Variants in FAM241A observed in about 807,000 individuals in gnomAD.
FAM241A encodes the protein uncharacterized protein FAM241A.
In FAM241A, 7 loss-of-function variants were observed where a neutral mutation model predicts 12.2. The ratio of observed to expected loss-of-function variants is 0.58; its 90% CI spans 0.33 to 1.08. The LOEUF is 1.08. Ranked by LOEUF, FAM241A falls within the 50% of genes least tolerant of loss-of-function variation. FAM241A has a pLI of 0.04. For missense variants in FAM241A, 161 were observed against 169.7 expected (o/e 0.95, Z 0.29); for synonymous variants, 74 against 68.2 (o/e 1.08, Z -0.42).
rs544567336 is a variant in FAM241A at position 112,190,914 on chromosome 4, C to T, written c.*3976C>T. The T allele has an allele frequency of 2.0e-5, 3 of 152,240 alleles. No homozygotes were observed. Among genetic ancestry groups the T allele is most frequent in the Admixed American group, 6.5e-5 (1 of 15,286 alleles). The allele number at this position is 152,240 out of a possible 1,614,324, so 9.4% of individuals were successfully genotyped here. On this transcript the variant is annotated 3_prime_UTR_variant, in exon 2 of 2. Transcript: ENST00000309733. ...ACACAGCAGCTCGGCAATGTCACCA[C>T]TCCCGTGGCTGCAGAGTTACCATTT...
rs540107625 is a variant in FAM241A at position 112,194,652 on chromosome 4, G to C, written c.*7714G>C. 1 of 152,090 alleles carries C rather than the reference G, an allele frequency of 6.6e-6. No homozygotes were observed. The highest frequency in any genetic ancestry group is 1.5e-5 in the Non-Finnish European group (1 of 68,024). The allele number at this position is 152,090 out of a possible 1,614,324, so 9.4% of individuals were successfully genotyped here. On this transcript the variant is annotated 3_prime_UTR_variant, in exon 2 of 2. Transcript: ENST00000309733. ...TTCTGTTTATATGCTGGATTACATT[G>C]ATTGATTTGCGTATATTGAACCAGC... is the stretch of plus-strand genomic sequence containing the variant.
Position 112,192,644 on chromosome 4 carries a change from A to G in FAM241A, c.*5706A>G, listed in dbSNP as rs1246667062. The stretch of plus-strand genomic sequence containing the variant: ...AGTTTACTGAGAATGATGATTTCCA[A>G]TTTCATCCATGTCCCTACAAAGGAC... On this transcript the variant is annotated 3_prime_UTR_variant, in exon 2 of 2. Coordinates refer to ENST00000309733, the MANE Select transcript of FAM241A (RefSeq NM_152400.3). 1.5e-4 allele frequency: 23 copies of G among 151,154 alleles called. 1 individual carries two copies. The highest frequency in any genetic ancestry group is 1.2e-3 in the Admixed American group (18 of 15,178). The allele number at this position is 151,154 out of a possible 1,614,324, so 9.4% of individuals were successfully genotyped here.
chr4:112,150,923 T>TA (rs1368758365), intron 1 of FAM241A, among the ~76,000 whole-genome samples: 1 of 152,240 alleles, frequency 6.6e-6, no homozygotes, highest in African/African-American at 2.4e-5. Flanking sequence ...TGTTAGCTGT[T>TA]AGGCCTAATT....
In FAM241A at chr4:112,192,526, G is replaced by A. The variant is rs1724187749; in HGVS notation, c.*5588G>A. ...CCCACCCCACAACAGTCCCCAGAGT[G>A]TGATGTTCCCCTTCCTGTGTCCATG... On this transcript the variant is annotated 3_prime_UTR_variant, in exon 2 of 2. Transcript: ENST00000309733. The A allele has an allele frequency of 7.6e-6, 1 of 131,206 alleles. No individual in the cohort carries two copies. Among genetic ancestry groups the A allele is most frequent in the Non-Finnish European group, 1.5e-5 (1 of 64,572 alleles). The allele number at this position is 131,206 out of a possible 1,614,324, so 8.1% of individuals were successfully genotyped here.
chr4:112,172,068 CA>C (rs1723734619), intron 1 of FAM241A, among the ~76,000 whole-genome samples: 2 of 152,066 alleles, frequency 1.3e-5, no homozygotes, highest in African/African-American at 2.4e-5. Flanking sequence ...GCTTTAGAGC[CA>C]GATTGCCTGA....
intron 1 of FAM241A, among the ~76,000 whole-genome samples, chr4:112,173,109 G>A (rs1723757524): frequency 6.6e-6 from 1 of 152,116 alleles, no homozygotes; most frequent in Admixed American, 6.5e-5. Context: ...GGCTGGTCTT[G>A]CACTCCTGAA....
chr4:112,178,093 T>C (rs1471645905), intron 1 of FAM241A, among the ~76,000 whole-genome samples: 1 of 152,146 alleles, frequency 6.6e-6, no homozygotes, highest in African/African-American at 2.4e-5. Flanking sequence ...TTAATACCCT[T>C]AGTGGGTTCA....
intron 1 of FAM241A, among the ~76,000 whole-genome samples, chr4:112,182,790 C>G (rs1256880264): frequency 2.0e-5 from 3 of 152,060 alleles, no homozygotes; most frequent in Non-Finnish European, 4.4e-5. Context: ...ATAGAGCTTC[C>G]CCCAACCCCC....
At chr4:112,171,713 G>T (rs1723724463) in intron 1 of FAM241A, among the ~76,000 whole-genome samples, 1 of 152,074 alleles carries the variant, frequency 6.6e-6, no homozygotes, top group African/African-American at 2.4e-5. Flanking sequence ...TAAAAAATTA[G>T]CCAGGCATGG....
rs891651942 is a variant in FAM241A, at chr4:112,145,533, G to A, written c.-48G>A. 10 of 1,223,128 alleles carry A rather than the reference G, an allele frequency of 8.2e-6. No individual in the cohort carries two copies. In the African/African-American group the frequency reaches 1.4e-4, roughly 17 times the overall value. 75.8% of individuals were successfully genotyped at this position (1,223,128 alleles called of 1,614,324 possible). A position where few individuals can be genotyped will look rare whatever the true frequency, so the allele number is the denominator to read the frequency against. On this transcript the variant is annotated 5_prime_UTR_variant, in exon 1 of 2. Coordinates refer to ENST00000309733, the MANE Select transcript of FAM241A (RefSeq NM_152400.3). Reference sequence around the variant, plus strand: ...GCGGCGGCGCTGCCTGGTGCGTCGCGGCGTGGTCCTCCGGCGGCTGTCCGG... The same window carrying A: ...GCGGCGGCGCTGCCTGGTGCGTCGCAGCGTGGTCCTCCGGCGGCTGTCCGG...
At chr4:112,186,512 G>T (rs573597242) in intron 1 of FAM241A, among the ~76,000 whole-genome samples, 181 bp from the exon 2 acceptor site, 6 of 152,238 alleles carry the variant, frequency 3.9e-5, no homozygotes, top group African/African-American at 7.2e-5. Context: ...CTTCACTTAA[G>T]CAGTCATTTT....
intron 1 of FAM241A, among the ~76,000 whole-genome samples, chr4:112,181,278 A>G (rs553742604): frequency 1.3e-5 from 2 of 152,306 alleles, no homozygotes; most frequent in Admixed American, 1.3e-4. Context: ...TTTTCAGATT[A>G]CTGTAGTAAA....
rs555021746 is a variant in FAM241A at position 112,164,193 on chromosome 4, A to G, written c.153+18460A>G. Among the ~76,000 whole-genome samples, 18 of 151,998 alleles carry G rather than the reference A, an allele frequency of 1.2e-4. No homozygotes were observed. The East Asian group carries it at 3.5e-3, about 29-fold the overall frequency. ...ACTAGTTAATCGGTGCAGCACACCA[A>G]CATGGCACATGTATACATGTGTAAC... On this transcript the variant is annotated intron_variant, in intron 1 of 1. Coordinates refer to ENST00000309733, the MANE Select transcript of FAM241A (RefSeq NM_152400.3).
At chr4:112,172,594 A>G (rs985213019) in intron 1 of FAM241A, among the ~76,000 whole-genome samples, 5 of 152,220 alleles carry the variant, frequency 3.3e-5, no homozygotes, top group African/African-American at 4.8e-5. Flanking sequence ...CTAAATGCCA[A>G]GCATTTTGCA....
At chr4:112,182,319 A>G (rs1723956182) in intron 1 of FAM241A, among the ~76,000 whole-genome samples, 1 of 152,204 alleles carries the variant, frequency 6.6e-6, no homozygotes, top group Non-Finnish European at 1.5e-5. Context: ...TGATAGCTGC[A>G]TGAGACAATC....
intron 1 of FAM241A, among the ~76,000 whole-genome samples, chr4:112,183,449 G>A (rs10516586): frequency 0.53 from 80,621 of 151,676 alleles, 22,296 homozygotes; most frequent in African/African-American, 0.69. Context: ...CTAACTCTCT[G>A]TTTTGATTTA....
rs1182243907 is a variant in FAM241A at position 112,194,424 on chromosome 4, G to T, written c.*7486G>T. The T allele has an allele frequency of 4.0e-5, 6 of 150,280 alleles. No homozygotes were observed. Among genetic ancestry groups the T allele is most frequent in the Non-Finnish European group, 1.5e-5 (1 of 66,966 alleles). The allele number at this position is 150,280 out of a possible 1,614,324, so 9.3% of individuals were successfully genotyped here. ...GTGAGAGAGGGCATCCCTGTCTTGT[G>T]CCAGTTTTCAAAGGGAATGCTTCCA... On this transcript the variant is annotated 3_prime_UTR_variant, in exon 2 of 2. Coordinates refer to ENST00000309733, the MANE Select transcript of FAM241A (RefSeq NM_152400.3).
At chr4:112,182,120 G>A (rs1198187174) in intron 1 of FAM241A, among the ~76,000 whole-genome samples, 1 of 152,172 alleles carries the variant, frequency 6.6e-6, no homozygotes, top group Admixed American at 6.5e-5. Flanking sequence ...TGTGGGTCAT[G>A]GGGAAGAGGG....
At chr4:112,183,416 G>A (rs1723981807) in intron 1 of FAM241A, among the ~76,000 whole-genome samples, 1 of 151,992 alleles carries the variant, frequency 6.6e-6, no homozygotes, top group Non-Finnish European at 1.5e-5. Flanking sequence ...GAGCATTGCT[G>A]TCTCCTCGCC....
Sources: allele counts gnomAD v4.1 joint callset (sites outside exome capture counted in the v4.1 genomes callset), GRCh38; gene constraint gnomAD v4.1.1; transcripts MANE v1.5; gene names NCBI Gene and HGNC (gene_info 2026-07-23, HGNC 2026-07-21).